The following NPHP4 variants were observed in gnomAD, a reference collection of about 807,000 sequenced individuals.
The protein encoded by NPHP4 is nephrocystin-4.
A neutral mutation model predicts 155.8 loss-of-function variants in NPHP4; 151 were observed. The observed-to-expected ratio is 0.97, with a 90% CI of 0.85 to 1.11. NPHP4 has a LOEUF of 1.11. Ranked by LOEUF, NPHP4 falls within the 50% of genes least tolerant of loss-of-function variation. The probability of loss-of-function intolerance (pLI) is 0.00; values close to 1 mark genes in which losing one functional copy is unlikely to be tolerated. For missense variants in NPHP4, 1,956 were observed against 1,925.7 expected (o/e 1.02, Z -0.29); for synonymous variants, 845 against 816.8 (o/e 1.03, Z -0.59).
chr1:5,894,946 A>G (rs1329841363), intron 16 of NPHP4, among the ~76,000 whole-genome samples: 5 of 152,202 alleles, frequency 3.3e-5, no homozygotes, highest in African/African-American at 9.7e-5. Flanking sequence ...ATGTCCATCA[A>G]TGATAGACTG....
chr1:5,869,448 T>C (rs553642751), intron 23 of NPHP4, among the ~76,000 whole-genome samples: 48 of 152,350 alleles, frequency 3.2e-4, no homozygotes, highest in South Asian at 1.7e-3. Context: ...ACAAGATCCT[T>C]CCAAATATAT....
rs570294165 is a variant in NPHP4, at chr1:5,898,559, G to A, written c.2143+6058C>T. 6.6e-5 allele frequency among the ~76,000 whole-genome samples: 10 copies of A among 152,350 alleles called. No homozygotes were observed. In the South Asian group the frequency reaches 8.3e-4, roughly 13 times the overall value. On this transcript the variant is annotated intron_variant, in intron 16 of 29. Coordinates refer to ENST00000378156, the MANE Select transcript of NPHP4 (RefSeq NM_015102.5). ...GGCAGACAGCCACGCCTCAGATGCCGCTCTCTGAGTGGATCTTCCTCCTGA... is the reference window on the plus strand; with the variant it reads ...GGCAGACAGCCACGCCTCAGATGCCACTCTCTGAGTGGATCTTCCTCCTGA...
chr1:5,888,392 C>T, intron 17 of NPHP4: 2 of 1,092,932 alleles, frequency 1.8e-6, no homozygotes, highest in Non-Finnish European at 2.2e-6. Context: ...AGATGAGGTT[C>T]CGGATTTTGT....
intron 20 of NPHP4, among the ~76,000 whole-genome samples, chr1:5,875,791 A>G (rs1334959425): frequency 6.6e-6 from 1 of 152,262 alleles, no homozygotes; most frequent in African/African-American, 2.4e-5. Context: ...GCCAGCCTGC[A>G]GCTACTCCAA....
chr1:5,904,279 A>G (rs959206263), intron 16 of NPHP4, among the ~76,000 whole-genome samples: 14 of 152,248 alleles, frequency 9.2e-5, no homozygotes, highest in African/African-American at 3.1e-4. Flanking sequence ...ATTTGATGAT[A>G]TTAGGAGTTA....
Position 5,865,269 on chromosome 1 carries a change from G to A in NPHP4, c.3649C>T (p.Arg1217Cys), listed in dbSNP as rs751325206. The A allele has an allele frequency of 7.1e-6, 11 of 1,556,222 alleles. No individual in the cohort carries two copies. Among genetic ancestry groups the A allele is most frequent in the East Asian group, 7.0e-5 (3 of 42,700 alleles). Residue 1217 changes from arginine to cysteine, a missense_variant, in exon 27 of 30, where the codon CGC becomes TGC. Arg to Cys is a radical substitution (Grantham distance 180, BLOSUM62 -3). Transcript: ENST00000378156. ...GTCTGTGTGGGTGTCGCCAGCCAGC[G>A]ATCCCTGCAGTGGGATGGGAGCCAT... is the stretch of plus-strand genomic sequence containing the variant. ...KDFFVIIYSDRWLATPTQTWQ... is the reference protein window; with the variant it reads ...KDFFVIIYSDCWLATPTQTWQ...
At chr1:5,963,029 C>T (rs745709491) in intron 5 of NPHP4, among the ~76,000 whole-genome samples, 1 of 152,222 alleles carries the variant, frequency 6.6e-6, no homozygotes, top group Admixed American at 6.5e-5. Flanking sequence ...GGGACAGCTG[C>T]TGAGAGTCAC....
chr1:5,865,382 GA>G, intron 26 of NPHP4, 109 bp from the exon 27 acceptor site: 1 of 1,030,922 alleles, frequency 9.7e-7, no homozygotes, highest in Non-Finnish European at 1.4e-6. Context: ...GCTGTGCAGG[GA>G]AAGCCCCAGA....
chr1:5,868,944 GCACA>G lies in NPHP4; in HGVS notation c.3316-1052_3316-1049del, dbSNP rs370774843. On this transcript the variant is annotated intron_variant, in intron 23 of 29. Coordinates refer to ENST00000378156, the MANE Select transcript of NPHP4 (RefSeq NM_015102.5). The stretch of plus-strand genomic sequence containing the variant: ...TGTACACACATGCATGCACCCACAT[GCACA>G]CACACACAATGCACACACACATGCA... 1.2e-3 allele frequency among the ~76,000 whole-genome samples: 115 copies of G among 97,892 alleles called. 1 individual carries two copies. Among genetic ancestry groups the G allele is most frequent in the Middle Eastern group, 0.01 (1 of 96 alleles). The allele number at this position is 97,892 out of a possible 152,430, so 64.2% of individuals were successfully genotyped here.
intron 11 of NPHP4, among the ~76,000 whole-genome samples, chr1:5,925,192 TA>T: frequency 6.6e-6 from 1 of 152,344 alleles, no homozygotes; most frequent in East Asian, 1.9e-4. Context: ...AAATATTTTT[TA>T]AAAAATGGAT....
intron 10 of NPHP4, among the ~76,000 whole-genome samples, chr1:5,931,401 TAAAA>T (rs35255274): frequency 1.5e-5 from 2 of 132,312 alleles, no homozygotes; most frequent in Non-Finnish European, 1.6e-5. Context: ...AGCATATGTC[TAAAA>T]AAAAAAAAAA....
At chr1:5,970,554 CACTG>C (rs949069743) in intron 3 of NPHP4, among the ~76,000 whole-genome samples, 4 of 152,164 alleles carry the variant, frequency 2.6e-5, no homozygotes, top group South Asian at 2.1e-4. Flanking sequence ...GAGATGAAGA[CACTG>C]ACTGAGTTTG....
Position 5,944,415 on chromosome 1 carries a change from C to T in NPHP4, c.1119+2689G>A, listed in dbSNP as rs187790908. On this transcript the variant is annotated intron_variant, in intron 9 of 29. Coordinates refer to ENST00000378156, the MANE Select transcript of NPHP4 (RefSeq NM_015102.5). The surrounding 1 kb of genome is among the most constrained non-coding windows in gnomAD (Gnocchi z 4.3). ...CCCGCCCTGGGCCTTCCAAGGAGCGCGCTGGGCTCCTCTACCACAGCCACC... is the reference window on the plus strand; with the variant it reads ...CCCGCCCTGGGCCTTCCAAGGAGCGTGCTGGGCTCCTCTACCACAGCCACC... 6.6e-6 allele frequency among the ~76,000 whole-genome samples: 1 copy of T among 152,338 alleles called. No individual in the cohort carries two copies. Among genetic ancestry groups the T allele is most frequent in the East Asian group, 1.9e-4 (1 of 5,188 alleles).
At chr1:5,876,890 A>G (rs1642661758) in intron 20 of NPHP4, 1 of 414,742 alleles carries the variant, frequency 2.4e-6, no homozygotes. Flanking sequence ...ACGCCCAAGA[A>G]CTGGCTTTTA....
rs368703067 is a variant in NPHP4 at position 5,867,860 on chromosome 1, C to T, written c.3352G>A (p.Val1118Met). 1.6e-4 allele frequency: 255 copies of T among 1,613,944 alleles called. No homozygotes were observed. The highest frequency in any genetic ancestry group is 2.0e-4 in the Non-Finnish European group (238 of 1,179,882). The stretch of plus-strand genomic sequence containing the variant: ...TGCAGCTCCACAGTCAGGCAGAGCA[C>T]GGCGATGGGCTTGCCACCACTCGCT... ...FRASGGKPIA[V>M]LCLTVELQPH... is the part of the protein sequence containing the mutation. Residue 1118 changes from valine to methionine, a missense_variant, in exon 24 of 30, where the codon GTG becomes ATG. By Grantham distance (21) the Val-to-Met change is conservative. Transcript: ENST00000378156. The surrounding 1 kb of genome is among the most constrained non-coding windows in gnomAD (Gnocchi z 4.1).
intron 11 of NPHP4, among the ~76,000 whole-genome samples, chr1:5,916,681 C>T (rs1261594819): frequency 6.6e-6 from 1 of 152,246 alleles, no homozygotes; most frequent in Non-Finnish European, 1.5e-5. Context: ...TGGTGAGGAA[C>T]TCAAAGCATG....
intron 10 of NPHP4, among the ~76,000 whole-genome samples, chr1:5,930,486 T>A (rs1476130922): frequency 6.6e-6 from 1 of 152,228 alleles, no homozygotes; most frequent in African/African-American, 2.4e-5. Flanking sequence ...TATTTCCATA[T>A]CTGTTAAGTT....
At position 5,889,281 on chromosome 1, in the gene NPHP4, C is replaced by G. The variant is rs1643990210; in HGVS notation, c.2304+1587G>C. Among the ~76,000 whole-genome samples, 1 of 152,234 alleles carries G rather than the reference C, an allele frequency of 6.6e-6. No homozygotes were observed. Among genetic ancestry groups the G allele is most frequent in the Admixed American group, 6.5e-5 (1 of 15,294 alleles). ...GCCCCGCCTGCAGAAAGTAAGTCCA[C>G]CAAAGGCTAACCGGAGCAACCTAAC... On this transcript the variant is annotated intron_variant, in intron 17 of 29. Transcript: ENST00000378156. The surrounding 1 kb of genome is among the most constrained non-coding windows in gnomAD (Gnocchi z 4.2).
At chr1:5,985,655 T>C (rs1196807327) in intron 2 of NPHP4, among the ~76,000 whole-genome samples, 1 of 152,212 alleles carries the variant, frequency 6.6e-6, no homozygotes, top group African/African-American at 2.4e-5. Flanking sequence ...GTGCTGACCA[T>C]GTCATTGAAT....
Sources: allele counts gnomAD v4.1 joint callset (sites outside exome capture counted in the v4.1 genomes callset), GRCh38; gene constraint gnomAD v4.1.1; non-coding constraint Gnocchi (gnomAD v3.1); transcripts MANE v1.5; gene names NCBI Gene and HGNC (gene_info 2026-07-23, HGNC 2026-07-21).